Variants in CYB5A observed in about 807,000 individuals in gnomAD.
CYB5A encodes cytochrome b5.
CYB5A carries 10 observed loss-of-function variants against 16.2 expected under a neutral mutation model. That is an observed-to-expected ratio of 0.62 (90% confidence interval 0.38 to 1.04). The LOEUF is 1.04. Ranked by LOEUF, CYB5A falls within the 50% of genes least tolerant of loss-of-function variation. The pLI is 0.01. For synonymous variants in CYB5A, 62 were observed against 57.0 expected, an observed-to-expected ratio of 1.09 and a Z score of -0.40; for missense variants, 161 against 165.9, an observed-to-expected ratio of 0.97 and a Z score of 0.16.
intron 1 of CYB5A, among the ~76,000 whole-genome samples, chr18:74,289,602 C>T (rs964113535): frequency 1.3e-5 from 2 of 151,982 alleles, no homozygotes; most frequent in African/African-American, 4.8e-5. Context: ...ATGTTGAAAC[C>T]CTGTCTCTAT....
chr18:74,265,850 G>A (rs1982413698), intron 1 of CYB5A, among the ~76,000 whole-genome samples: 1 of 152,156 alleles, frequency 6.6e-6, no homozygotes, highest in African/African-American at 2.4e-5. Context: ...CTGTGAGGAC[G>A]ACACAAAGCC....
At chr18:74,281,479 G>A (rs1983099995) in intron 1 of CYB5A, among the ~76,000 whole-genome samples, 2 of 152,178 alleles carry the variant, frequency 1.3e-5, no homozygotes, top group Admixed American at 6.5e-5. Flanking sequence ...GGTGGAGGGA[G>A]GAGGGAACCA....
chr18:74,288,353 T>C (rs980097501), intron 1 of CYB5A, among the ~76,000 whole-genome samples: 2 of 148,522 alleles, frequency 1.3e-5, no homozygotes, highest in African/African-American at 5.0e-5. Context: ...CCATGAGAAA[T>C]CCTGTCCATA....
intron 3 of CYB5A, chr18:74,259,238 A>G (rs1352617797): frequency 6.6e-6 from 1 of 152,248 alleles, no homozygotes; most frequent in Non-Finnish European, 1.5e-5. Flanking sequence ...TCAAGTATCA[A>G]CTGCTAATGC....
intron 4 of CYB5A, 86 bp downstream of exon 4, chr18:74,255,655 C>T (rs369726408): frequency 1.8e-6 from 2 of 1,119,660 alleles, no homozygotes; most frequent in Non-Finnish European, 2.7e-6. Flanking sequence ...GGCCCAGGAA[C>T]CCAGAAGGTG....
At chr18:74,281,722 G>C (rs1983109601) in intron 1 of CYB5A, among the ~76,000 whole-genome samples, 1 of 142,064 alleles carries the variant, frequency 7.0e-6, no homozygotes, top group South Asian at 2.3e-4. Flanking sequence ...ATCCTGGAGG[G>C]GGCAGAAGAG....
intron 1 of CYB5A, among the ~76,000 whole-genome samples, chr18:74,282,768 G>A (rs1376204160): frequency 1.3e-5 from 2 of 152,202 alleles, no homozygotes; most frequent in South Asian, 2.1e-4. Context: ...GGAGGACACA[G>A]TGTTATTTGC....
At chr18:74,277,951 T>C (rs1788638) in intron 1 of CYB5A, among the ~76,000 whole-genome samples, 401 of 152,218 alleles carry the variant, frequency 2.6e-3, no homozygotes, top group South Asian at 6.2e-3. Context: ...TTTCACAGCC[T>C]GAACAAATGC....
intron 1 of CYB5A, among the ~76,000 whole-genome samples, chr18:74,289,326 A>G (rs1983439414): frequency 6.6e-6 from 1 of 152,202 alleles, no homozygotes; most frequent in South Asian, 2.1e-4. Flanking sequence ...AATAGTTTTG[A>G]GTACATTTTA....
intron 1 of CYB5A, among the ~76,000 whole-genome samples, chr18:74,275,988 C>G (rs1982860078): frequency 6.6e-6 from 1 of 152,096 alleles, no homozygotes. Flanking sequence ...AGAGGCGTCT[C>G]CAACCCCATT....
intron 1 of CYB5A, among the ~76,000 whole-genome samples, chr18:74,280,257 G>A (rs1402795702): frequency 1.3e-5 from 2 of 152,074 alleles, no homozygotes; most frequent in African/African-American, 2.4e-5. Flanking sequence ...CTAATCCTAA[G>A]TCACCTTAAA....
Position 74,253,654 on chromosome 18 carries a change from T to A in CYB5A, c.335A>T (p.Asn112Ile), listed in dbSNP as rs549735138. The part of the protein sequence containing the change: ...TIDSSSSWWT[N>I]WVIPAISAVA... Reference sequence around the variant, plus strand: ...TGCAGAGATGGCAGGGATCACCCAGTTGGTCCACCAACTAGAAAGACACAA... The same window carrying A: ...TGCAGAGATGGCAGGGATCACCCAGATGGTCCACCAACTAGAAAGACACAA... The change falls in exon 5 of 5, where the codon AAC becomes ATC. Residue 112 changes from asparagine (N) to isoleucine (I), a missense_variant. Asn to Ile is a moderately radical substitution (Grantham distance 149). Transcript: ENST00000340533. 1 of 1,612,770 alleles carries A rather than the reference T, an allele frequency of 6.2e-7. No homozygotes were observed. The highest frequency in any genetic ancestry group is 1.1e-5 in the South Asian group (1 of 91,030).
At chr18:74,253,719 C>G in intron 4 of CYB5A, 54 bp from the exon 5 acceptor site, 1 of 1,276,010 alleles carries the variant, frequency 7.8e-7, no homozygotes, top group East Asian at 2.3e-5. Flanking sequence ...GTGGTGGACT[C>G]AAAATCTTTG....
chr18:74,258,039 A>C (rs1982056085), intron 3 of CYB5A: 3 of 152,256 alleles, frequency 2.0e-5, no homozygotes, highest in African/African-American at 4.8e-5. Flanking sequence ...TTTGTGAATC[A>C]GAGTCATCTC....
chr18:74,255,566 C>T (rs996427671), intron 4 of CYB5A, among the ~76,000 whole-genome samples, 175 bp downstream of exon 4: 3 of 152,118 alleles, frequency 2.0e-5, no homozygotes, highest in East Asian at 1.9e-4. Context: ...TGTTCACAGT[C>T]GGCTACCTGA....
At chr18:74,276,576 G>A (rs1982888680) in intron 1 of CYB5A, among the ~76,000 whole-genome samples, 1 of 149,386 alleles carries the variant, frequency 6.7e-6, no homozygotes, top group South Asian at 2.1e-4. Context: ...TTCTGTCAGG[G>A]TTCCACTTGA....
At chr18:74,272,337 C>T (rs1982700272) in intron 1 of CYB5A, among the ~76,000 whole-genome samples, 1 of 152,196 alleles carries the variant, frequency 6.6e-6, no homozygotes, top group African/African-American at 2.4e-5. Flanking sequence ...GTAAGGACGA[C>T]CCAAATGTGT....
At chr18:74,262,722 GGAAA>G (rs1982259012) in intron 2 of CYB5A, among the ~76,000 whole-genome samples, 1 of 152,170 alleles carries the variant, frequency 6.6e-6, no homozygotes, top group Admixed American at 6.5e-5. Context: ...GGTCAGAAAA[GGAAA>G]GAAAGCAATG....
chr18:74,275,441 T>C (rs1408060088), intron 1 of CYB5A, among the ~76,000 whole-genome samples: 1 of 152,176 alleles, frequency 6.6e-6, no homozygotes, highest in Non-Finnish European at 1.5e-5. Flanking sequence ...AGGATGAGGC[T>C]GTCCCCAGGA....
Sources: gnomAD v4.1 joint callset for allele counts (sites outside exome capture counted in the v4.1 genomes callset) on GRCh38, gnomAD v4.1.1 for gene constraint, MANE v1.5 for transcripts, NCBI Gene and HGNC (gene_info 2026-07-23, HGNC 2026-07-21) for gene names.